The following XKR6 variants were observed in gnomAD, a reference collection of about 807,000 sequenced individuals.
XKR6 encodes the protein XK-related protein 6.
A neutral mutation model predicts 56.7 loss-of-function variants in XKR6; 22 were observed. The ratio of observed to expected loss-of-function variants is 0.39; its 90% confidence interval spans 0.28 to 0.55. XKR6 has a LOEUF of 0.55. Among genes scored for constraint, XKR6 ranks in the 20% least tolerant of loss-of-function variants. The pLI is 0.66. For synonymous variants in XKR6, 524 were observed against 387.8 expected (o/e 1.35, Z -4.13); for missense variants, 852 against 889.0 (o/e 0.96, Z 0.53).
At chr8:10,931,820 G>A (rs1469169853) in intron 1 of XKR6, among the ~76,000 whole-genome samples, 2 of 137,840 alleles carry the variant, frequency 1.5e-5, no homozygotes, top group Non-Finnish European at 1.6e-5. Flanking sequence ...GCAAAGGCAT[G>A]ATCCATAAAA....
intron 2 of XKR6, among the ~76,000 whole-genome samples, chr8:10,921,459 C>A (rs1436462460): frequency 1.3e-5 from 2 of 152,166 alleles, no homozygotes; most frequent in African/African-American, 4.8e-5. Context: ...CTCCACCTGG[C>A]CCTGGAAATG....
At chr8:10,967,555 G>A (rs1191152414) in intron 1 of XKR6, among the ~76,000 whole-genome samples, 1 of 152,190 alleles carries the variant, frequency 6.6e-6, no homozygotes. Flanking sequence ...GCCTGGTCTG[G>A]GGCAATGGAC....
chr8:10,976,449 G>T (rs977102617), intron 1 of XKR6, among the ~76,000 whole-genome samples: 6 of 152,248 alleles, frequency 3.9e-5, no homozygotes, highest in African/African-American at 1.4e-4. Flanking sequence ...CCCATTTGCA[G>T]GACAGGACCT....
At chr8:11,028,857 G>C (rs755081757) in intron 1 of XKR6, among the ~76,000 whole-genome samples, 17 of 152,190 alleles carry the variant, frequency 1.1e-4, no homozygotes, top group Non-Finnish European at 2.2e-4. Flanking sequence ...TCTCAGATGT[G>C]CTCAGTGGCT....
chr8:11,154,165 G>A (rs1490650581), intron 1 of XKR6, among the ~76,000 whole-genome samples: 1 of 152,170 alleles, frequency 6.6e-6, no homozygotes, highest in East Asian at 1.9e-4. Context: ...GGGTAGGGTT[G>A]GCCATATGAG....
chr8:11,010,595 T>C (rs1798478038), intron 1 of XKR6, among the ~76,000 whole-genome samples: 1 of 152,224 alleles, frequency 6.6e-6, no homozygotes, highest in South Asian at 2.1e-4. Context: ...CCAAGAAATC[T>C]ATCTTTGATT....
At chr8:11,069,895 C>G (rs1343768006) in intron 1 of XKR6, among the ~76,000 whole-genome samples, 2 of 152,168 alleles carry the variant, frequency 1.3e-5, no homozygotes, top group Non-Finnish European at 2.9e-5. Context: ...CGGAGTCAAC[C>G]TTGGGTATTT....
intron 1 of XKR6, among the ~76,000 whole-genome samples, chr8:10,964,540 C>T (rs1329384258): frequency 6.6e-6 from 1 of 152,208 alleles, no homozygotes; most frequent in Non-Finnish European, 1.5e-5. Context: ...TCACTTCAGT[C>T]AGCGAAAATG....
At chr8:11,113,157 T>C (rs1386165752) in intron 1 of XKR6, among the ~76,000 whole-genome samples, 1 of 152,246 alleles carries the variant, frequency 6.6e-6, no homozygotes, top group East Asian at 1.9e-4. Flanking sequence ...TGATACTATA[T>C]TTGTTATTAA....
chr8:11,002,587 C>A (rs79765309), intron 1 of XKR6: 10,076 of 183,086 alleles, frequency 0.055, 376 homozygotes, highest in Non-Finnish European at 0.083. Context: ...TGGTCACCCT[C>A]CCAGCCAGCA....
At position 10,948,318 on chromosome 8, in the gene XKR6, C is replaced by T. The variant is rs115590352; in HGVS notation, c.765-23488G>A. Among the ~76,000 whole-genome samples, 268 of 152,290 alleles carry T rather than the reference C, an allele frequency of 1.8e-3. 2 individuals carry two copies. Among genetic ancestry groups the T allele is most frequent in the African/African-American group, 6.2e-3 (256 of 41,560 alleles). ...CTCAGCGTCCTGCTGTCCCTCATCC[C>T]ATGCAGCTGTTGGTCCTGTGGAAGA... On this transcript the variant is annotated intron_variant, in intron 1 of 2. Transcript: ENST00000416569.
intron 1 of XKR6, among the ~76,000 whole-genome samples, chr8:11,189,512 C>G (rs888854692): frequency 6.6e-6 from 1 of 152,222 alleles, no homozygotes; most frequent in African/African-American, 2.4e-5. Flanking sequence ...TGTTTAAATA[C>G]TGGTAATCCA....
chr8:10,911,650 A>AAT (rs1222384695), intron 2 of XKR6, among the ~76,000 whole-genome samples: 8 of 146,970 alleles, frequency 5.4e-5, no homozygotes, highest in South Asian at 2.1e-4. Flanking sequence ...ATATATATAG[A>AAT]ATATATATAT....
intron 1 of XKR6, among the ~76,000 whole-genome samples, chr8:10,999,371 A>T (rs1171473894): frequency 1.3e-5 from 2 of 152,274 alleles, no homozygotes; most frequent in African/African-American, 4.8e-5. Flanking sequence ...TTCAGGATAC[A>T]AATTGTATTT....
intron 1 of XKR6, among the ~76,000 whole-genome samples, chr8:11,131,362 T>C (rs1800093643): frequency 6.6e-6 from 1 of 152,170 alleles, no homozygotes; most frequent in Non-Finnish European, 1.5e-5. Flanking sequence ...ACTGGAAAGA[T>C]GTAAAATACA....
intron 1 of XKR6, among the ~76,000 whole-genome samples, chr8:11,038,395 T>G (rs1323718044): frequency 2.0e-5 from 3 of 152,092 alleles, no homozygotes; most frequent in Non-Finnish European, 4.4e-5. Context: ...TAAGTATAAT[T>G]AAATCAGAGA....
intron 1 of XKR6, among the ~76,000 whole-genome samples, chr8:11,166,539 CATTTA>C (rs1356281074): frequency 6.6e-6 from 1 of 152,068 alleles, no homozygotes; most frequent in Admixed American, 6.6e-5. Context: ...ATATTTAGTG[CATTTA>C]ATTTAATGTT....
At chr8:11,159,018 C>T (rs955597105) in intron 1 of XKR6, among the ~76,000 whole-genome samples, 6 of 152,228 alleles carry the variant, frequency 3.9e-5, no homozygotes, top group Admixed American at 3.9e-4. Flanking sequence ...GTTCTGAAAC[C>T]TGGTTCTACC....
chr8:10,954,190 CT>C (rs1263719204), intron 1 of XKR6, among the ~76,000 whole-genome samples: 4 of 152,186 alleles, frequency 2.6e-5, no homozygotes, highest in Non-Finnish European at 5.9e-5. Flanking sequence ...GGTAGTGGAA[CT>C]GCTGGGTCAC....
Sources: gnomAD v4.1 joint callset for allele counts (sites outside exome capture counted in the v4.1 genomes callset) on GRCh38, gnomAD v4.1.1 for gene constraint, MANE v1.5 for transcripts, NCBI Gene and HGNC (gene_info 2026-07-23, HGNC 2026-07-21) for gene names.